The following HMBOX1 variants were observed in gnomAD, a reference collection of about 807,000 sequenced individuals.
HMBOX1 encodes the protein homeobox-containing protein 1.
Under a neutral mutation model 54.5 loss-of-function variants are expected in HMBOX1, and 14 were observed. The ratio of observed to expected loss-of-function variants is 0.26; its 90% CI spans 0.17 to 0.40. The LOEUF (loss-of-function observed/expected upper bound fraction) is 0.40. Among genes scored for constraint, HMBOX1 ranks in the 10% least tolerant of loss-of-function variants. HMBOX1 has a pLI of 1.00. For missense variants in HMBOX1, 332 were observed against 514.4 expected (o/e 0.65, Z 3.43); for synonymous variants, 160 against 181.0 (o/e 0.88, Z 0.93).
In HMBOX1 at chr8:28,973,178, T is replaced by C. The variant is rs963941753; in HGVS notation, c.500+2659T>C. Among the ~76,000 whole-genome samples, 15 of 152,190 alleles carry C rather than the reference T, an allele frequency of 9.9e-5. 1 individual carries two copies. The highest frequency in any genetic ancestry group is 7.2e-4 in the Admixed American group (11 of 15,286). On this transcript the variant is annotated intron_variant, in intron 3 of 9. Coordinates refer to ENST00000287701, the MANE Select transcript of HMBOX1 (RefSeq NM_001135726.3). Reference sequence around the variant, plus strand: ...TCCTTGGATCAGTGGGAAAGTTTATTGGATCACATTGTCACTTATAATCAT... The same window carrying C: ...TCCTTGGATCAGTGGGAAAGTTTATCGGATCACATTGTCACTTATAATCAT...
At chr8:28,997,529 T>C (rs1445679356) in intron 4 of HMBOX1, among the ~76,000 whole-genome samples, 3 of 152,136 alleles carry the variant, frequency 2.0e-5, no homozygotes, top group African/African-American at 7.2e-5. Flanking sequence ...GTTTTACATC[T>C]GCATATGTAA....
intron 6 of HMBOX1, among the ~76,000 whole-genome samples, chr8:29,036,722 A>G (rs1331044137): frequency 1.3e-5 from 2 of 152,216 alleles, no homozygotes; most frequent in Non-Finnish European, 2.9e-5. Flanking sequence ...ATGAAGTCCG[A>G]AACAATACCA....
At chr8:28,948,077 T>G (rs1822797850) in intron 1 of HMBOX1, among the ~76,000 whole-genome samples, 1 of 152,168 alleles carries the variant, frequency 6.6e-6, no homozygotes, top group Non-Finnish European at 1.5e-5. Flanking sequence ...CTTGAGCCAC[T>G]GTACCAGGCC....
At chr8:29,007,639 A>T (rs889895934) in intron 4 of HMBOX1, among the ~76,000 whole-genome samples, 2 of 152,088 alleles carry the variant, frequency 1.3e-5, no homozygotes, top group African/African-American at 2.4e-5. Flanking sequence ...CAACATTGTG[A>T]GACCCTGTCT....
At chr8:28,943,092 A>G (rs28478512) in intron 1 of HMBOX1, among the ~76,000 whole-genome samples, 5,409 of 152,308 alleles carry the variant, frequency 0.036, 307 homozygotes, top group African/African-American at 0.12. Context: ...ATGAATAAGT[A>G]GACCAGGTAT....
intron 1 of HMBOX1, among the ~76,000 whole-genome samples, chr8:28,918,096 C>G (rs1816883869): frequency 5.3e-5 from 8 of 152,284 alleles, no homozygotes; most frequent in Admixed American, 4.6e-4. Flanking sequence ...AATATTTGGT[C>G]AAATTGGCCA....
chr8:29,020,186 A>C (rs1800953631), intron 6 of HMBOX1, among the ~76,000 whole-genome samples: 1 of 152,238 alleles, frequency 6.6e-6, no homozygotes. Context: ...GGCACACAGC[A>C]GATGAGAATT....
At chr8:28,953,647 A>G (rs187720073) in intron 1 of HMBOX1, among the ~76,000 whole-genome samples, 108 of 152,130 alleles carry the variant, frequency 7.1e-4, no homozygotes, top group Non-Finnish European at 1.5e-4. Context: ...GGATTTGGAA[A>G]TCAGATATTG....
chr8:28,957,294 G>A (rs1824637528), intron 1 of HMBOX1, among the ~76,000 whole-genome samples: 3 of 152,100 alleles, frequency 2.0e-5, no homozygotes. Flanking sequence ...TATCCTATGT[G>A]AATTAATGCA....
intron 1 of HMBOX1, among the ~76,000 whole-genome samples, chr8:28,935,490 G>A (rs1303292580): frequency 1.3e-5 from 2 of 152,138 alleles, no homozygotes; most frequent in African/African-American, 4.8e-5. Flanking sequence ...ATCCATTTGA[G>A]GGTAAGGGGG....
At chr8:28,925,163 C>T (rs897784736) in intron 1 of HMBOX1, among the ~76,000 whole-genome samples, 1 of 151,956 alleles carries the variant, frequency 6.6e-6, no homozygotes, top group African/African-American at 2.4e-5. Flanking sequence ...AAAGTTATAT[C>T]GTTCAAATCT....
intron 1 of HMBOX1, among the ~76,000 whole-genome samples, chr8:28,931,213 C>T (rs1176546489): frequency 6.6e-6 from 1 of 152,060 alleles, no homozygotes; most frequent in Admixed American, 6.5e-5. Flanking sequence ...ATATATATTT[C>T]GTGATTGAAA....
intron 9 of HMBOX1, chr8:29,049,286 A>G (rs1473133558): frequency 1.3e-6 from 2 of 1,536,002 alleles, no homozygotes; most frequent in African/African-American, 1.4e-5. Flanking sequence ...TTGTCATACA[A>G]CAGGATACTT....
chr8:28,909,282 G>A (rs1342714340), intron 1 of HMBOX1, among the ~76,000 whole-genome samples: 4 of 151,998 alleles, frequency 2.6e-5, no homozygotes, highest in African/African-American at 4.8e-5. Context: ...TTGTGGTAAC[G>A]CAACATTTTT....
intron 4 of HMBOX1, among the ~76,000 whole-genome samples, chr8:29,008,465 A>G (rs1385750450): frequency 1.3e-5 from 2 of 152,206 alleles, no homozygotes; most frequent in African/African-American, 4.8e-5. Flanking sequence ...TTAAGAGGTC[A>G]TATTGTAGCA....
intron 1 of HMBOX1, chr8:28,891,124 G>C: frequency 6.5e-6 from 1 of 152,886 alleles, no homozygotes; most frequent in East Asian, 1.9e-4. Flanking sequence ...AAGTTAGACA[G>C]CGCGAGTCCT....
At chr8:28,994,162 CT>C (rs1831420663) in intron 4 of HMBOX1, among the ~76,000 whole-genome samples, 1 of 124,576 alleles carries the variant, frequency 8.0e-6, no homozygotes, top group Non-Finnish European at 1.8e-5. Context: ...GCCAGACTCT[CT>C]CACCAAAAAA....
chr8:28,976,686 ATTTCT>A (rs1033470583), intron 3 of HMBOX1, among the ~76,000 whole-genome samples: 7 of 143,092 alleles, frequency 4.9e-5, no homozygotes, highest in Non-Finnish European at 7.7e-5. Context: ...AGAGCTTTTT[ATTTCT>A]TTTCTTTTCT....
intron 1 of HMBOX1, among the ~76,000 whole-genome samples, chr8:28,942,931 T>G (rs1443334546): frequency 1.3e-5 from 2 of 152,234 alleles, no homozygotes; most frequent in African/African-American, 4.8e-5. Flanking sequence ...TGCTACCTTT[T>G]CAGTTACTAA....
Sources: allele counts gnomAD v4.1 joint callset (sites outside exome capture counted in the v4.1 genomes callset), GRCh38; gene constraint gnomAD v4.1.1; transcripts MANE v1.5; gene names NCBI Gene and HGNC (gene_info 2026-07-23, HGNC 2026-07-21).